GMDS: variants seen among roughly 807,000 people sequenced by gnomAD.
GMDS encodes GDP-mannose 4,6-dehydratase.
In GMDS, 20 loss-of-function variants were observed where a neutral mutation model predicts 49.9. That is an observed-to-expected ratio of 0.40 (90% confidence interval 0.28 to 0.58). The LOEUF (loss-of-function observed/expected upper bound fraction) is 0.58. Ranked by LOEUF, GMDS falls within the 20% of genes least tolerant of loss-of-function variation. The pLI is 0.42. For synonymous variants in GMDS, 177 were observed against 178.6 expected, an observed-to-expected ratio of 0.99 and a Z score of 0.07; for missense variants, 362 against 481.4, an observed-to-expected ratio of 0.75 and a Z score of 2.32.
At chr6:2,072,554 G>A (rs891327562) in intron 4 of GMDS, among the ~76,000 whole-genome samples, 3 of 152,074 alleles carry the variant, frequency 2.0e-5, no homozygotes, top group African/African-American at 4.8e-5. Context: ...TTTTGTTTTT[G>A]GGTGACCAAT....
At chr6:1,738,032 C>CAT (rs1491583706) in intron 8 of GMDS, among the ~76,000 whole-genome samples, 2 of 1,258 alleles carry the variant, frequency 1.6e-3, no homozygotes, top group African/African-American at 5.4e-3. Flanking sequence ...ATACACACAC[C>CAT]ACACACACAC....
chr6:1,712,900 G>A (rs1323671372), intron 9 of GMDS, among the ~76,000 whole-genome samples: 2 of 152,204 alleles, frequency 1.3e-5, no homozygotes, highest in Admixed American at 6.5e-5. Flanking sequence ...TAGTTGGAGG[G>A]CTGAGGAGAA....
intron 9 of GMDS, among the ~76,000 whole-genome samples, chr6:1,720,376 TGGTTAAGTCCAAGGAAGGAAAA>T (rs1766337553): frequency 6.6e-6 from 1 of 152,064 alleles, no homozygotes; most frequent in African/African-American, 2.4e-5. Context: ...AAAGCTCCCT[TGGTTAAGTCCAAGGAAGGAAAA>T]GGGCAGGAAA....
At chr6:2,037,199 T>A (rs948727654) in intron 4 of GMDS, among the ~76,000 whole-genome samples, 4 of 152,120 alleles carry the variant, frequency 2.6e-5, no homozygotes, top group Admixed American at 1.3e-4. Context: ...TCACCCTCAA[T>A]GAGAACTGCT....
At chr6:2,217,323 T>G (rs1356550458) in intron 1 of GMDS, among the ~76,000 whole-genome samples, 1 of 152,124 alleles carries the variant, frequency 6.6e-6, no homozygotes, top group Non-Finnish European at 1.5e-5. Flanking sequence ...CCAGGACACG[T>G]GTTTGCCTGT....
intron 6 of GMDS, among the ~76,000 whole-genome samples, chr6:1,947,482 A>G (rs1040821804): frequency 4.6e-5 from 7 of 152,210 alleles, no homozygotes; most frequent in Non-Finnish European, 1.0e-4. Context: ...CTCTGATACA[A>G]TTGTGCTGAA....
At chr6:1,892,897 C>T (rs530731788) in intron 7 of GMDS, among the ~76,000 whole-genome samples, 4 of 152,290 alleles carry the variant, frequency 2.6e-5, no homozygotes, top group Admixed American at 1.3e-4. Context: ...CAGATAAGAC[C>T]GCTGCACAGA....
rs547685870 is a variant in GMDS at position 1,642,460 on chromosome 6, C to T, written c.988-17920G>A. Among the ~76,000 whole-genome samples, 10 of 152,296 alleles carry T rather than the reference C, an allele frequency of 6.6e-5. No homozygotes were observed. The South Asian group carries it at 8.3e-4, about 13-fold the overall frequency. On this transcript the variant is annotated intron_variant, in intron 9 of 10. Coordinates refer to ENST00000380815, the MANE Select transcript of GMDS (RefSeq NM_001500.4). Reference sequence around the variant, plus strand: ...CTGGGATTACAGGCGTGAGCCACCACACCCGGCCAGTTTCCGTCTTTAAAC... The same window carrying T: ...CTGGGATTACAGGCGTGAGCCACCATACCCGGCCAGTTTCCGTCTTTAAAC...
chr6:1,927,876 T>C (rs1762102238), intron 7 of GMDS, among the ~76,000 whole-genome samples: 6 of 152,194 alleles, frequency 3.9e-5, no homozygotes, highest in Admixed American at 3.9e-4. Context: ...TTAAAATCTA[T>C]GGAAAATAAA....
intron 9 of GMDS, chr6:1,680,045 T>C (rs1201096337): frequency 6.6e-6 from 1 of 152,216 alleles, no homozygotes; most frequent in Non-Finnish European, 1.5e-5. Flanking sequence ...ACCTGCCAAA[T>C]TGATCATTAA....
chr6:2,227,648 C>A (rs534589735), intron 1 of GMDS, among the ~76,000 whole-genome samples: 1 of 152,278 alleles, frequency 6.6e-6, no homozygotes, highest in East Asian at 1.9e-4. Flanking sequence ...GAGTGAGGTG[C>A]CAATTGTGGC....
At chr6:1,777,193 C>T (rs1768871788) in intron 7 of GMDS, among the ~76,000 whole-genome samples, 1 of 152,268 alleles carries the variant, frequency 6.6e-6, no homozygotes, top group African/African-American at 2.4e-5. Context: ...GGTTACGTGG[C>T]TCCTGCTGGG....
chr6:2,105,292 T>A (rs190429146), intron 4 of GMDS, among the ~76,000 whole-genome samples: 9 of 152,142 alleles, frequency 5.9e-5, no homozygotes, highest in Non-Finnish European at 8.8e-5. Context: ...TTACACACAT[T>A]ATGTAAACAA....
intron 4 of GMDS, among the ~76,000 whole-genome samples, chr6:2,021,348 C>T (rs539316600): frequency 6.6e-6 from 1 of 152,160 alleles, no homozygotes; most frequent in African/African-American, 2.4e-5. Context: ...TCACCTGATT[C>T]TGAAATAAAA....
intron 1 of GMDS, among the ~76,000 whole-genome samples, chr6:2,202,535 C>T (rs1050543079): frequency 1.4e-4 from 21 of 151,794 alleles, no homozygotes; most frequent in African/African-American, 2.2e-4. Context: ...TAATTCTCTC[C>T]GTGCCTCAGT....
Position 2,219,965 on chromosome 6 carries a change from T to C in GMDS, c.102+25356A>G, listed in dbSNP as rs1221013503. ...TTTCAGATAAGGGATATTCAACCTA[T>C]AATGGTGACAATGAAGATGATGTCA... is the stretch of plus-strand genomic sequence containing the variant. On this transcript the variant is annotated intron_variant, in intron 1 of 10. Transcript: ENST00000380815. Among the ~76,000 whole-genome samples, 3 of 152,312 alleles carry C rather than the reference T, an allele frequency of 2.0e-5. No individual in the cohort carries two copies. The South Asian group carries it at 6.2e-4, about 32-fold the overall frequency.
At chr6:1,881,640 C>CA (rs1394197881) in intron 7 of GMDS, among the ~76,000 whole-genome samples, 1 of 152,122 alleles carries the variant, frequency 6.6e-6, no homozygotes, top group African/African-American at 2.4e-5. Flanking sequence ...AATCCACACA[C>CA]AAAAAAATGT....
In GMDS at chr6:1,885,358, G is replaced by C. The variant is rs538236972; in HGVS notation, c.771+44745C>G. ...ATTCTCCCCCTTACTCTCTGGTTCT[G>C]CTTGTTTATCTTTATCATATATCAA... On this transcript the variant is annotated intron_variant, in intron 7 of 10. Transcript: ENST00000380815. Among the ~76,000 whole-genome samples, 4 of 152,216 alleles carry C rather than the reference G, an allele frequency of 2.6e-5. No homozygotes were observed. In the South Asian group the frequency reaches 8.3e-4, roughly 32 times the overall value.
chr6:1,909,682 A>G (rs774989954), intron 7 of GMDS, among the ~76,000 whole-genome samples: 1 of 152,194 alleles, frequency 6.6e-6, no homozygotes, highest in Non-Finnish European at 1.5e-5. Context: ...TGGGGAGAAG[A>G]CTGAGAAGAG....
Sources: allele counts gnomAD v4.1 joint callset (sites outside exome capture counted in the v4.1 genomes callset), GRCh38; gene constraint gnomAD v4.1.1; transcripts MANE v1.5; gene names NCBI Gene and HGNC (gene_info 2026-07-23, HGNC 2026-07-21).